GRM8: variants seen among roughly 807,000 people sequenced by gnomAD.
GRM8 encodes the protein glutamate metabotropic receptor 8.
Under a neutral mutation model 87.2 loss-of-function variants are expected in GRM8, and 47 were observed. The observed-to-expected ratio is 0.54, with a 90% CI of 0.43 to 0.69. GRM8 has a LOEUF of 0.69. GRM8 is among the 30% of genes least tolerant of loss of function. The pLI is 0.00. For missense variants in GRM8, 1,019 were observed against 1,139.2 expected (o/e 0.89, Z 1.52); for synonymous variants, 396 against 404.5 (o/e 0.98, Z 0.25).
At chr7:126,547,382 T>C (rs749522152) in intron 8 of GRM8, among the ~76,000 whole-genome samples, 2 of 152,004 alleles carry the variant, frequency 1.3e-5, no homozygotes, top group Non-Finnish European at 2.9e-5. Flanking sequence ...TAAAAATAGA[T>C]GCATGAAATA....
intron 3 of GRM8, among the ~76,000 whole-genome samples, chr7:127,077,672 C>T (rs2237784): frequency 0.16 from 24,228 of 152,190 alleles, 2,211 homozygotes; most frequent in Non-Finnish European, 0.21. Flanking sequence ...GACCAGTAGA[C>T]ATGCCCATTT....
At chr7:126,465,414 C>T (rs1804377289) in intron 9 of GRM8, 1 of 151,390 alleles carries the variant, frequency 6.6e-6, no homozygotes, top group Admixed American at 6.6e-5. Flanking sequence ...TAATGTATAG[C>T]TCAATCTCGG....
chr7:126,713,788 G>T (rs553795921), intron 7 of GRM8, among the ~76,000 whole-genome samples: 1 of 151,972 alleles, frequency 6.6e-6, no homozygotes, highest in South Asian at 2.1e-4. Context: ...GGTACAGCAT[G>T]GGTGGGGATG....
intron 7 of GRM8, among the ~76,000 whole-genome samples, chr7:126,666,390 G>A (rs1805772629): frequency 6.6e-6 from 1 of 151,976 alleles, no homozygotes; most frequent in African/African-American, 2.4e-5. Flanking sequence ...AAATTTCATG[G>A]GGAAAAACAA....
At chr7:126,950,869 A>T (rs1308980547) in intron 3 of GRM8, among the ~76,000 whole-genome samples, 2 of 151,798 alleles carry the variant, frequency 1.3e-5, no homozygotes, top group Non-Finnish European at 2.9e-5. Context: ...ATTTTGTTCT[A>T]CCTGGATTGA....
intron 9 of GRM8, among the ~76,000 whole-genome samples, chr7:126,525,727 G>A (rs1430919584): frequency 6.6e-6 from 1 of 151,980 alleles, no homozygotes; most frequent in Non-Finnish European, 1.5e-5. Flanking sequence ...ACAATATAAT[G>A]GCTTCCTCTC....
chr7:126,488,294 G>C (rs1807603476), intron 9 of GRM8, among the ~76,000 whole-genome samples: 1 of 151,984 alleles, frequency 6.6e-6, no homozygotes, highest in South Asian at 2.1e-4. Context: ...CAGTACTTTT[G>C]TGCCAGCAGT....
intron 3 of GRM8, among the ~76,000 whole-genome samples, chr7:126,989,401 A>G (rs1812414384): frequency 6.6e-6 from 1 of 152,208 alleles, no homozygotes; most frequent in African/African-American, 2.4e-5. Flanking sequence ...CTTAAATTCT[A>G]TTAACAATGC....
intron 7 of GRM8, among the ~76,000 whole-genome samples, chr7:126,759,316 G>A (rs1176392282): frequency 1.3e-5 from 2 of 152,050 alleles, no homozygotes; most frequent in Non-Finnish European, 2.9e-5. Flanking sequence ...GATTCTTTCT[G>A]AAGCAAAATA....
At chr7:126,686,874 T>C (rs765131849) in intron 7 of GRM8, among the ~76,000 whole-genome samples, 4 of 152,222 alleles carry the variant, frequency 2.6e-5, no homozygotes, top group Non-Finnish European at 5.9e-5. Flanking sequence ...CCTGTAACAT[T>C]ACTATTTCCT....
chr7:126,556,257 G>A (rs1189660702), intron 8 of GRM8, among the ~76,000 whole-genome samples: 1 of 147,778 alleles, frequency 6.8e-6, no homozygotes, highest in African/African-American at 2.5e-5. Context: ...TTTCATATTA[G>A]TACCTACTAT....
At chr7:126,997,191 A>T (rs1813257385) in intron 3 of GRM8, among the ~76,000 whole-genome samples, 1 of 151,926 alleles carries the variant, frequency 6.6e-6, no homozygotes, top group African/African-American at 2.4e-5. Context: ...ATGCTCCTGA[A>T]TGACCAGTGG....
intron 2 of GRM8, among the ~76,000 whole-genome samples, chr7:127,238,591 C>T (rs1798118609): frequency 6.6e-6 from 1 of 152,198 alleles, no homozygotes; most frequent in Non-Finnish European, 1.5e-5. Flanking sequence ...CCCCACCGTA[C>T]ACTCGAGGTT....
At chr7:126,448,060 A>G (rs1190003544) in intron 9 of GRM8, among the ~76,000 whole-genome samples, 1 of 151,968 alleles carries the variant, frequency 6.6e-6, no homozygotes, top group Admixed American at 6.6e-5. Context: ...GTATTGGTTA[A>G]TCTTTTTTGA....
chr7:126,805,107 C>T (rs1299244729), intron 6 of GRM8, among the ~76,000 whole-genome samples: 1 of 152,116 alleles, frequency 6.6e-6, no homozygotes, highest in Non-Finnish European at 1.5e-5. Flanking sequence ...TATAATAATA[C>T]GCCTAGAAAG....
At chr7:127,019,204 G>T (rs1024277867) in intron 3 of GRM8, among the ~76,000 whole-genome samples, 1 of 152,040 alleles carries the variant, frequency 6.6e-6, no homozygotes, top group African/African-American at 2.4e-5. Flanking sequence ...TTAGGATAAG[G>T]CTTTAGAATT....
chr7:127,193,902 A>G (rs1007430315), intron 2 of GRM8, among the ~76,000 whole-genome samples: 1 of 152,152 alleles, frequency 6.6e-6, no homozygotes, highest in Non-Finnish European at 1.5e-5. Flanking sequence ...ACAACATAAG[A>G]TCCCAAAAGC....
intron 3 of GRM8, among the ~76,000 whole-genome samples, chr7:127,018,390 A>T (rs1329263207): frequency 6.6e-6 from 1 of 150,416 alleles, no homozygotes; most frequent in Non-Finnish European, 1.5e-5. Flanking sequence ...AGCAATAAAG[A>T]GCCCCCTGAA....
At chr7:127,095,230 G>T (rs1336951515) in intron 3 of GRM8, among the ~76,000 whole-genome samples, 2 of 152,190 alleles carry the variant, frequency 1.3e-5, no homozygotes, top group Admixed American at 6.5e-5. Context: ...GGGGCTCAGG[G>T]TTCACCCCAG....
Sources: gnomAD v4.1 joint callset for allele counts (sites outside exome capture counted in the v4.1 genomes callset) on GRCh38, gnomAD v4.1.1 for gene constraint, MANE v1.5 for transcripts, NCBI Gene and HGNC (gene_info 2026-07-23, HGNC 2026-07-21) for gene names.